Variants in DMD observed in about 807,000 individuals in gnomAD.
DMD encodes the protein mutant dystrophin.
In DMD, 63 loss-of-function variants were observed where a neutral mutation model predicts 330.1. The ratio of observed to expected loss-of-function variants is 0.19; its 90% CI spans 0.16 to 0.24. The LOEUF is 0.24. Among genes scored for constraint, DMD ranks in the 10% least tolerant of loss-of-function variants. The pLI, the probability that DMD is intolerant of heterozygous loss-of-function variation, is 1.00. For synonymous variants in DMD, 1,223 were observed against 959.8 expected, an observed-to-expected ratio of 1.27 and a Z score of -5.07; for missense variants, 3,344 against 2,684.1, an observed-to-expected ratio of 1.25 and a Z score of -5.43.
chrX:32,871,715 T>C (rs1052093167), intron 2 of DMD, among the ~76,000 whole-genome samples: 8 of 111,735 alleles, frequency 7.2e-5, no homozygotes, highest in African/African-American at 2.6e-4. Context: ...AGTATTGTAA[T>C]GGATTATGGT....
chrX:31,736,809 T>C (rs1407731566), intron 51 of DMD, among the ~76,000 whole-genome samples: 1 of 111,246 alleles, frequency 9.0e-6, no homozygotes, highest in African/African-American at 3.3e-5. Flanking sequence ...GAATGAACTC[T>C]GGAGTCAGGC....
At chrX:31,653,899 T>A (rs1028959876) in intron 54 of DMD, among the ~76,000 whole-genome samples, 3 of 111,448 alleles carry the variant, frequency 2.7e-5, no homozygotes, top group African/African-American at 9.8e-5. Flanking sequence ...TATGTTCAGA[T>A]CTGGGTTTCT....
At chrX:33,289,381 G>C (rs777002005) in intron 1 of DMD, among the ~76,000 whole-genome samples, 1 of 111,103 alleles carries the variant, frequency 9.0e-6, no homozygotes, top group Non-Finnish European at 1.9e-5. Flanking sequence ...AATATTTTTG[G>C]AGGTGTCCAA....
At chrX:31,548,760 C>T (rs747542518) in intron 55 of DMD, among the ~76,000 whole-genome samples, 41 of 110,130 alleles carry the variant, frequency 3.7e-4, no homozygotes, top group African/African-American at 1.2e-3. Flanking sequence ...CTCCTCTTCC[C>T]GGTTACTTCA....
intron 1 of DMD, among the ~76,000 whole-genome samples, chrX:33,226,907 T>C (rs1004084541): frequency 1.8e-5 from 2 of 109,883 alleles, no homozygotes; most frequent in African/African-American, 6.6e-5. Flanking sequence ...TAAAACTACA[T>C]TGTGAAGCCT....
chrX:32,397,163 T>C (rs1400919463), intron 30 of DMD, among the ~76,000 whole-genome samples: 1 of 111,755 alleles, frequency 8.9e-6, no homozygotes, highest in Non-Finnish European at 1.9e-5. Context: ...TCTCTACTTG[T>C]CTACTAGATT....
chrX:32,584,047 T>C (rs767781845), intron 13 of DMD, among the ~76,000 whole-genome samples: 25 of 110,846 alleles, frequency 2.3e-4, no homozygotes, highest in Non-Finnish European at 4.2e-4. Context: ...AAAAATGTAA[T>C]ATAAACAGCA....
chrX:33,321,403 A>G (rs955854364), intron 1 of DMD, among the ~76,000 whole-genome samples: 1 of 107,600 alleles, frequency 9.3e-6, no homozygotes, highest in South Asian at 4.1e-4. Flanking sequence ...GACCAGCTAC[A>G]TTATTAATGA....
Position 32,356,689 on chromosome X carries a change from G to A in DMD, c.5325+6099C>T, listed in dbSNP as rs551536480. Among the ~76,000 whole-genome samples, 172 of 110,998 alleles carry A rather than the reference G, an allele frequency of 1.5e-3. 1 individual carries two copies. Among genetic ancestry groups the A allele is most frequent in the South Asian group, 9.7e-3 (26 of 2,668 alleles). On this transcript the variant is annotated intron_variant, in intron 37 of 78. Coordinates refer to ENST00000357033, the MANE Select transcript of DMD (RefSeq NM_004006.3). Reference sequence around the variant, plus strand: ...AATAATTTAACATTTCAGCTCCTTAGAACAGTGAAGTATATCTAAATCTCT... The same window carrying A: ...AATAATTTAACATTTCAGCTCCTTAAAACAGTGAAGTATATCTAAATCTCT...
At chrX:31,374,338 C>T (rs1161399974) in intron 60 of DMD, among the ~76,000 whole-genome samples, 2 of 104,991 alleles carry the variant, frequency 1.9e-5, no homozygotes, top group Non-Finnish European at 3.9e-5. Flanking sequence ...ACCCAAAGGA[C>T]TATAAATCAT....
In DMD at chrX:31,178,448, C is replaced by T. The variant is rs200389975; in HGVS notation, c.10223+221G>A. 5,954 of 694,966 alleles carry T rather than the reference C, an allele frequency of 8.6e-3. 212 individuals carry two copies. The African/African-American group carries it at 0.13, about 15-fold the overall frequency. The allele number at this position is 694,966 out of a possible 1,213,427, so 57.3% of individuals were successfully genotyped here. A position where few individuals can be genotyped will look rare whatever the true frequency, so the allele number is the denominator to read the frequency against. On this transcript the variant is annotated intron_variant, in intron 70 of 78. Coordinates refer to ENST00000357033, the MANE Select transcript of DMD (RefSeq NM_004006.3). ...TGTGTTGTGGTTTTTTTTTTTTTTT[C>T]CCCCTGTGAGATAAAGTTTAACTTT...
At chrX:31,569,649 CGT>C (rs1198730762) in intron 55 of DMD, among the ~76,000 whole-genome samples, 3 of 82,415 alleles carry the variant, frequency 3.6e-5, no homozygotes, top group East Asian at 3.6e-4. Flanking sequence ...TATGTATATA[CGT>C]ATATATACGT....
At chrX:32,004,724 CT>C (rs1292998358) in intron 44 of DMD, among the ~76,000 whole-genome samples, 3 of 110,081 alleles carry the variant, frequency 2.7e-5, no homozygotes, top group South Asian at 3.8e-4. Context: ...TTCTTTGTCA[CT>C]TTTTTTTTCT....
At chrX:32,977,858 A>T (rs1472506356) in intron 2 of DMD, among the ~76,000 whole-genome samples, 1 of 111,594 alleles carries the variant, frequency 9.0e-6, no homozygotes, top group Non-Finnish European at 1.9e-5. Flanking sequence ...GCAAATATCT[A>T]GCTGCTTTAA....
intron 45 of DMD, among the ~76,000 whole-genome samples, chrX:31,962,934 C>A (rs979638121): frequency 8.9e-6 from 1 of 111,751 alleles, no homozygotes; most frequent in Non-Finnish European, 1.9e-5. Flanking sequence ...ACATATTGCA[C>A]ACACTGTAAA....
intron 7 of DMD, among the ~76,000 whole-genome samples, chrX:32,730,697 C>A (rs1358294200): frequency 9.0e-6 from 1 of 111,447 alleles, no homozygotes. Flanking sequence ...GTAGTGGGAG[C>A]CACTAAATAT....
At chrX:32,297,697 A>T (rs2097503716) in intron 42 of DMD, among the ~76,000 whole-genome samples, 1 of 111,878 alleles carries the variant, frequency 8.9e-6, no homozygotes. Flanking sequence ...TAAACTATAT[A>T]CTCAGTTAGA....
intron 2 of DMD, among the ~76,000 whole-genome samples, chrX:32,895,660 A>G (rs974096579): frequency 8.9e-6 from 1 of 111,954 alleles, no homozygotes; most frequent in Non-Finnish European, 1.9e-5. Flanking sequence ...ATCCAGGTGT[A>G]TATAAGGCAA....
At chrX:32,804,194 G>T (rs912439565) in intron 7 of DMD, among the ~76,000 whole-genome samples, 1 of 111,540 alleles carries the variant, frequency 9.0e-6, no homozygotes, top group Non-Finnish European at 1.9e-5. Flanking sequence ...CAGATCCAAC[G>T]CCCACGGAGC....
Sources: gnomAD v4.1 joint callset for allele counts (sites outside exome capture counted in the v4.1 genomes callset) on GRCh38, gnomAD v4.1.1 for gene constraint, MANE v1.5 for transcripts, NCBI Gene and HGNC (gene_info 2026-07-23, HGNC 2026-07-21) for gene names.